KHDRBS3: variants seen among roughly 807,000 people sequenced by gnomAD.
KHDRBS3 encodes KH RNA binding domain containing, signal transduction associated 3, also known as KH domain-containing, RNA-binding, signal transduction-associated protein 3.
In KHDRBS3, 23 loss-of-function variants were observed where a neutral mutation model predicts 45.6. The observed-to-expected ratio is 0.50, with a 90% CI of 0.36 to 0.72. KHDRBS3 has a LOEUF of 0.72. Among genes scored for constraint, KHDRBS3 ranks in the 30% least tolerant of loss-of-function variants. The probability of loss-of-function intolerance (pLI) is 0.00; values close to 1 mark genes in which losing one functional copy is unlikely to be tolerated. For missense variants in KHDRBS3, 352 were observed against 424.8 expected (o/e 0.83, Z 1.51); for synonymous variants, 162 against 156.5 (o/e 1.04, Z -0.26).
intron 6 of KHDRBS3, among the ~76,000 whole-genome samples, chr8:135,595,416 A>G (rs1019786876): frequency 6.6e-6 from 1 of 152,214 alleles, no homozygotes; most frequent in African/African-American, 2.4e-5. Context: ...TTGTGAATTA[A>G]GAGAATTGAT....
intron 1 of KHDRBS3, among the ~76,000 whole-genome samples, chr8:135,481,223 GATATATATATAT>G (rs10529846): frequency 2.1e-4 from 16 of 77,408 alleles, no homozygotes; most frequent in African/African-American, 6.8e-4. Flanking sequence ...TGAAAGCCAC[GATATATATATAT>G]ATATATATAT....
chr8:135,613,080 G>A (rs570165956), intron 7 of KHDRBS3, among the ~76,000 whole-genome samples: 116 of 151,870 alleles, frequency 7.6e-4, no homozygotes, highest in South Asian at 1.2e-3. Flanking sequence ...TCCACAAGCC[G>A]CAGAGAGAGA....
intron 1 of KHDRBS3, among the ~76,000 whole-genome samples, chr8:135,520,123 G>A (rs530810041): frequency 1.4e-4 from 22 of 152,292 alleles, no homozygotes; most frequent in South Asian, 1.2e-3. Context: ...ATTGAATTAT[G>A]TCATGAATGT....
At chr8:135,535,821 G>A (rs1007586638) in intron 2 of KHDRBS3, among the ~76,000 whole-genome samples, 1 of 152,128 alleles carries the variant, frequency 6.6e-6, no homozygotes, top group African/African-American at 2.4e-5. Context: ...GCACCGGCAG[G>A]TTTACTGTGT....
intron 6 of KHDRBS3, among the ~76,000 whole-genome samples, chr8:135,592,723 G>A (rs780908641): frequency 1.3e-5 from 2 of 148,730 alleles, no homozygotes; most frequent in Non-Finnish European, 3.0e-5. Flanking sequence ...GAGATACCCA[G>A]GGAATTAGTA....
intron 6 of KHDRBS3, among the ~76,000 whole-genome samples, chr8:135,603,402 A>G (rs1829306410): frequency 6.6e-6 from 1 of 152,342 alleles, no homozygotes; most frequent in South Asian, 2.1e-4. Flanking sequence ...CCTGATAACC[A>G]AAATCATCTC....
At chr8:135,636,807 T>C (rs1830832801) in intron 7 of KHDRBS3, among the ~76,000 whole-genome samples, 1 of 152,232 alleles carries the variant, frequency 6.6e-6, no homozygotes, top group Admixed American at 6.5e-5. Flanking sequence ...GCTGAGCTTC[T>C]GCCTTACTCA....
At chr8:135,565,424 T>C (rs900688515) in intron 5 of KHDRBS3, among the ~76,000 whole-genome samples, 2 of 152,240 alleles carry the variant, frequency 1.3e-5, no homozygotes, top group African/African-American at 4.8e-5. Flanking sequence ...GAGTAAATAT[T>C]GTGCTTTGAA....
chr8:135,576,923 G>T (rs747791945), intron 5 of KHDRBS3, among the ~76,000 whole-genome samples: 1 of 152,004 alleles, frequency 6.6e-6, no homozygotes, highest in Non-Finnish European at 1.5e-5. Flanking sequence ...TTCCCACATT[G>T]ACCATTATAG....
At chr8:135,462,952 T>C (rs1821505584) in intron 1 of KHDRBS3, among the ~76,000 whole-genome samples, 1 of 152,354 alleles carries the variant, frequency 6.6e-6, no homozygotes, top group Non-Finnish European at 1.5e-5. Context: ...TCCTCTAGCC[T>C]GTGCTGAATT....
intron 6 of KHDRBS3, among the ~76,000 whole-genome samples, chr8:135,589,350 T>A (rs1828634607): frequency 6.6e-6 from 1 of 152,210 alleles, no homozygotes; most frequent in Admixed American, 6.5e-5. Flanking sequence ...TTGAAAATTC[T>A]AGAAGGATCT....
In KHDRBS3 at chr8:135,579,700, C is replaced by T. The variant is rs542499810; in HGVS notation, c.612-2178C>T. Among the ~76,000 whole-genome samples the T allele has an allele frequency of 4.6e-5, 7 of 152,222 alleles. No individual in the cohort carries two copies. The South Asian group carries it at 1.2e-3, about 27-fold the overall frequency. On this transcript the variant is annotated intron_variant, in intron 5 of 8. Coordinates refer to ENST00000355849, the MANE Select transcript of KHDRBS3 (RefSeq NM_006558.3). Reference sequence around the variant, plus strand: ...GTTATGAATGAATGTCGCCATTGGCCGCATGCTTTTTCTGCTCTATTTATA... The same window carrying T: ...GTTATGAATGAATGTCGCCATTGGCTGCATGCTTTTTCTGCTCTATTTATA...
intron 1 of KHDRBS3, among the ~76,000 whole-genome samples, chr8:135,514,627 A>G (rs1201003375): frequency 6.6e-6 from 1 of 152,238 alleles, no homozygotes; most frequent in African/African-American, 2.4e-5. Flanking sequence ...AGTTCTGGAC[A>G]TCTGTTGCAC....
At chr8:135,584,192 G>T (rs946636747) in intron 6 of KHDRBS3, among the ~76,000 whole-genome samples, 2 of 152,216 alleles carry the variant, frequency 1.3e-5, no homozygotes, top group Non-Finnish European at 2.9e-5. Context: ...CTGCAGCTGT[G>T]ATTTCAACAC....
intron 1 of KHDRBS3, among the ~76,000 whole-genome samples, chr8:135,489,545 G>T (rs750595077): frequency 1.3e-4 from 20 of 151,974 alleles, no homozygotes; most frequent in Non-Finnish European, 2.1e-4. Flanking sequence ...GGAAGTGGTG[G>T]CACACAGCTG....
At chr8:135,496,210 TAATC>T (rs1255556604) in intron 1 of KHDRBS3, among the ~76,000 whole-genome samples, 1 of 150,120 alleles carries the variant, frequency 6.7e-6, no homozygotes, top group Non-Finnish European at 1.5e-5. Context: ...TAGCAAAAGA[TAATC>T]AGTGACGAAG....
chr8:135,605,392 T>C (rs1829413008), intron 6 of KHDRBS3, among the ~76,000 whole-genome samples: 1 of 152,154 alleles, frequency 6.6e-6, no homozygotes, highest in Non-Finnish European at 1.5e-5. Context: ...AGTTTTTTCT[T>C]CATCCTAGTT....
intron 6 of KHDRBS3, 108 bp downstream of exon 6, chr8:135,582,181 A>C (rs1398981914): frequency 5.4e-6 from 6 of 1,112,522 alleles, no homozygotes; most frequent in Non-Finnish European, 7.2e-6. Flanking sequence ...TTGGTTCTTG[A>C]GTATTCTACT....
intron 1 of KHDRBS3, among the ~76,000 whole-genome samples, chr8:135,471,043 G>A (rs1391702092): frequency 6.6e-6 from 1 of 152,178 alleles, no homozygotes; most frequent in Non-Finnish European, 1.5e-5. Context: ...AGGTGAGTAG[G>A]ACAAGTTTTC....
Sources: gnomAD v4.1 joint callset for allele counts (sites outside exome capture counted in the v4.1 genomes callset) on GRCh38, gnomAD v4.1.1 for gene constraint, MANE v1.5 for transcripts, NCBI Gene and HGNC (gene_info 2026-07-23, HGNC 2026-07-21) for gene names.